PKD1L3: variants seen among roughly 807,000 people sequenced by gnomAD.
PKD1L3 encodes the protein polycystin-1-like protein 3.
PKD1L3 carries 239 observed loss-of-function variants against 184.1 expected under a neutral mutation model. The ratio of observed to expected loss-of-function variants is 1.30; its 90% confidence interval spans 1.17 to 1.45. The LOEUF (loss-of-function observed/expected upper bound fraction) is 1.45. Among genes scored for constraint, PKD1L3 ranks in the 40% most tolerant of loss-of-function variants. The pLI, the probability that PKD1L3 is intolerant of heterozygous loss-of-function variation, is 0.00. For synonymous variants in PKD1L3, 996 were observed against 778.8 expected (o/e 1.28, Z -4.64); for missense variants, 2,660 against 2,067.2 (o/e 1.29, Z -5.56).
intron 7 of PKD1L3, among the ~76,000 whole-genome samples, chr16:71,981,569 T>A (rs2040158959): frequency 6.9e-6 from 1 of 145,738 alleles, no homozygotes. Flanking sequence ...TTTTATGGAA[T>A]CTCGCTCTGT....
At position 71,988,342 on chromosome 16, in the gene PKD1L3, C is replaced by G. The variant is rs377665828; in HGVS notation, c.586-1873G>C. 1.9e-4 allele frequency among the ~76,000 whole-genome samples: 29 copies of G among 152,268 alleles called. 1 individual carries two copies. The highest frequency in any genetic ancestry group is 9.8e-4 in the Admixed American group (15 of 15,286). On this transcript the variant is annotated intron_variant, in intron 4 of 29. Transcript: ENST00000620267. ...CCCCAGTAGCTGGGATTACGGGCACCTGCCATCACACCCGGCTAATTTTCA... is the reference window on the plus strand; with the variant it reads ...CCCCAGTAGCTGGGATTACGGGCACGTGCCATCACACCCGGCTAATTTTCA...
intron 4 of PKD1L3, among the ~76,000 whole-genome samples, chr16:71,989,429 G>C (rs921392811): frequency 7.9e-5 from 12 of 152,140 alleles, no homozygotes; most frequent in Non-Finnish European, 1.3e-4. Flanking sequence ...CTGGGATTAC[G>C]GGCGTGAGCC....
At chr16:71,945,309 C>T (rs1259215664) in intron 22 of PKD1L3, among the ~76,000 whole-genome samples, 2,056 of 40,196 alleles carry the variant, frequency 0.051, 57 homozygotes, top group African/African-American at 0.16. Context: ...TATATATACA[C>T]ACACACACAC....
intron 2 of PKD1L3, 69 bp from the exon 3 acceptor site, chr16:71,993,401 A>C (rs2040667340): frequency 3.1e-6 from 3 of 975,676 alleles, no homozygotes. Flanking sequence ...TAAAACCATC[A>C]TTACATGCAC....
chr16:71,982,944 T>C (rs1229181341), intron 6 of PKD1L3, among the ~76,000 whole-genome samples: 2 of 152,156 alleles, frequency 1.3e-5, no homozygotes, highest in Non-Finnish European at 2.9e-5. Context: ...ATATTCGTTA[T>C]ACATTTCAAA....
chr16:71,986,537 T>C, intron 4 of PKD1L3, 68 bp from the exon 5 acceptor site: 1 of 1,457,794 alleles, frequency 6.9e-7, no homozygotes, highest in African/African-American at 1.4e-5. Flanking sequence ...TAAGGCAGCA[T>C]TTCCCCAAAT....
Position 71,935,433 on chromosome 16 carries a change from A to G in PKD1L3, c.4538T>C (p.Ile1513Thr), listed in dbSNP as rs777329707. Residue 1513 changes from isoleucine to threonine, a missense_variant, in exon 26 of 30, where the codon ATC becomes ACC. Ile to Thr is a moderately conservative substitution (Grantham distance 89). Transcript: ENST00000620267. ...LDTSIILISF[I>T]LLGLDMKSIS... Reference sequence around the variant, plus strand: ...ACTCTTCATGTCAAGCCCCAGGAGGATGAAGCTAATGAGGATTATACTTGT... The same window carrying G: ...ACTCTTCATGTCAAGCCCCAGGAGGGTGAAGCTAATGAGGATTATACTTGT... The G allele has an allele frequency of 6.4e-7, 1 of 1,551,886 alleles. No homozygotes were observed. Among genetic ancestry groups the G allele is most frequent in the African/African-American group, 1.4e-5 (1 of 73,016 alleles).
rs1254332675 is a variant in PKD1L3 at position 71,999,680 on chromosome 16, T to C, written c.295+4A>G. 1 of 1,537,564 alleles carries C rather than the reference T, an allele frequency of 6.5e-7. No individual in the cohort carries two copies. Among genetic ancestry groups the C allele is most frequent in the East Asian group, 2.5e-5 (1 of 40,632 alleles). On this transcript the variant is annotated splice_donor_region_variant and intron_variant, in intron 1 of 29. Transcript: ENST00000620267. ...TTCATAAACACTGAACCCCAGGGTC[T>C]TACCTGGGTATTTGTTGTCTTGATG...
At chr16:71,932,717 G>T (rs1308874899) in intron 28 of PKD1L3, among the ~76,000 whole-genome samples, 1 of 149,340 alleles carries the variant, frequency 6.7e-6, no homozygotes, top group African/African-American at 2.5e-5. Flanking sequence ...GACCTCAAAA[G>T]TGATCCGCTG....
At chr16:71,947,731 T>C (rs9934803) in intron 21 of PKD1L3, 140 bp from the exon 22 acceptor site, 1 of 598,814 alleles carries the variant, frequency 1.7e-6, no homozygotes, top group Non-Finnish European at 2.9e-6. Context: ...TAATTTCACA[T>C]TAATTTTTGC....
intron 6 of PKD1L3, 143 bp from the exon 7 acceptor site, chr16:71,982,378 C>T (rs1271026742): frequency 1.5e-5 from 10 of 653,004 alleles, no homozygotes; most frequent in Middle Eastern, 4.5e-4. Context: ...CTCTGCCTCC[C>T]GGGTTCAAGC....
intron 10 of PKD1L3, among the ~76,000 whole-genome samples, chr16:71,977,747 A>G (rs2039987648): frequency 6.6e-6 from 1 of 151,194 alleles, no homozygotes; most frequent in African/African-American, 2.4e-5. Context: ...GTTAAGGATA[A>G]GTACATAGTC....
chr16:71,981,925 C>T, intron 7 of PKD1L3, 134 bp downstream of exon 7: 1 of 990,204 alleles, frequency 1.0e-6, no homozygotes, highest in Non-Finnish European at 1.4e-6. Context: ...GAAGGCATGG[C>T]AGAGGAGTTT....
At chr16:71,970,904 A>G (rs2039685584) in intron 12 of PKD1L3, among the ~76,000 whole-genome samples, 1 of 152,236 alleles carries the variant, frequency 6.6e-6, no homozygotes, top group African/African-American at 2.4e-5. Flanking sequence ...TGAATACAAC[A>G]AGAGATATGT....
intron 15 of PKD1L3, among the ~76,000 whole-genome samples, chr16:71,964,849 ATTTT>A (rs35311851): frequency 1.5e-5 from 2 of 137,610 alleles, no homozygotes; most frequent in Admixed American, 7.4e-5. Context: ...ATATATATGT[ATTTT>A]TTTTTTTTTT....
rs752903748 is a variant in PKD1L3, at chr16:71,969,903, C to T, written c.2156G>A (p.Arg719Gln). The T allele has an allele frequency of 3.9e-5, 61 of 1,549,716 alleles. 1 individual carries two copies. The South Asian group carries it at 4.8e-4, about 12-fold the overall frequency. The change falls in exon 13 of 30, where the codon CGG becomes CAG. Residue 719 changes from arginine to glutamine, a missense_variant. By Grantham distance (43) the Arg-to-Gln change is conservative (BLOSUM62 1). Coordinates refer to ENST00000620267, the MANE Select transcript of PKD1L3 (RefSeq NM_181536.2). ...CTGCATATCTGCTTGATCCTTTTTC[C>T]GAGCCCACACAACTGTGATCACATA... ...GFYVITVVWA[R>Q]KKDQADMQKV...
At chr16:71,995,195 G>A (rs13380466) in intron 2 of PKD1L3, among the ~76,000 whole-genome samples, 7,255 of 152,112 alleles carry the variant, frequency 0.048, 588 homozygotes, top group African/African-American at 0.16. Context: ...GGCAAGAGAA[G>A]CCCTCCCTCT....
At position 71,942,554 on chromosome 16, in the gene PKD1L3, A is replaced by G. The variant is rs2038396874; in HGVS notation, c.4324+6T>C. On this transcript the variant is annotated splice_donor_region_variant and intron_variant, in intron 24 of 29. Transcript: ENST00000620267. ...GTGGTTGAATTCCAGGGGTCACTCC[A>G]GTTACCTCTCATGATGTAACTGAAT... The G allele has an allele frequency of 1.3e-6, 2 of 1,548,154 alleles. 1 individual carries two copies. The highest frequency in any genetic ancestry group is 2.4e-5 in the South Asian group (2 of 83,888).
intron 3 of PKD1L3, 132 bp from the exon 4 acceptor site, chr16:71,990,461 G>T (rs912895029): frequency 4.5e-6 from 3 of 661,676 alleles, no homozygotes; most frequent in Admixed American, 2.8e-5. Context: ...GGCCGGACAT[G>T]GTAGCTCATG....
Sources: allele counts gnomAD v4.1 joint callset (sites outside exome capture counted in the v4.1 genomes callset), GRCh38; gene constraint gnomAD v4.1.1; transcripts MANE v1.5; gene names NCBI Gene and HGNC (gene_info 2026-07-23, HGNC 2026-07-21).